The following CCSER1 variants were observed in gnomAD, a reference collection of about 807,000 sequenced individuals.
CCSER1 encodes coiled-coil serine rich protein 1.
A neutral mutation model predicts 82.0 loss-of-function variants in CCSER1; 41 were observed. The observed-to-expected ratio is 0.50, with a 90% CI of 0.39 to 0.65. The LOEUF (loss-of-function observed/expected upper bound fraction) is 0.65, where lower values mean the gene tolerates loss of function less well. Among genes scored for constraint, CCSER1 ranks in the 30% least tolerant of loss-of-function variants. The pLI is 0.00. For synonymous variants in CCSER1, 414 were observed against 383.9 expected (o/e 1.08, Z -0.92); for missense variants, 1,119 against 1,064.2 (o/e 1.05, Z -0.72).
intron 4 of CCSER1, among the ~76,000 whole-genome samples, chr4:90,420,094 C>G (rs1265944964): frequency 6.6e-6 from 1 of 151,890 alleles, no homozygotes; most frequent in Non-Finnish European, 1.5e-5. Context: ...TCCTTAAACA[C>G]AAGACTATAT....
intron 10 of CCSER1, among the ~76,000 whole-genome samples, chr4:91,524,730 C>T (rs1345942759): frequency 6.6e-6 from 1 of 152,046 alleles, no homozygotes; most frequent in East Asian, 1.9e-4. Context: ...AGTGATTACA[C>T]CGCAGAAAAC....
chr4:90,227,027 C>T (rs926443880), intron 1 of CCSER1, among the ~76,000 whole-genome samples: 2 of 152,116 alleles, frequency 1.3e-5, no homozygotes, highest in Non-Finnish European at 2.9e-5. Context: ...TTCTTCTTAC[C>T]CTCTTTTTTC....
chr4:91,303,918 A>T (rs149301333), intron 10 of CCSER1, among the ~76,000 whole-genome samples: 2 of 152,174 alleles, frequency 1.3e-5, no homozygotes, highest in East Asian at 3.9e-4. Context: ...GGGTGGGAGG[A>T]TATATAGAGT....
At chr4:90,295,077 G>T (rs1731619935) in intron 1 of CCSER1, among the ~76,000 whole-genome samples, 1 of 151,790 alleles carries the variant, frequency 6.6e-6, no homozygotes, top group Non-Finnish European at 1.5e-5. Flanking sequence ...GGAATAAATA[G>T]ACCATTTTTA....
At chr4:91,271,229 C>T (rs1282764703) in intron 10 of CCSER1, among the ~76,000 whole-genome samples, 1 of 152,104 alleles carries the variant, frequency 6.6e-6, no homozygotes, top group Non-Finnish European at 1.5e-5. Context: ...TTTAACTGGT[C>T]ATAAGTTACT....
At chr4:90,757,933 C>CTTTTTTTTTTTTTTTTTTTTT (rs200053849) in intron 7 of CCSER1, among the ~76,000 whole-genome samples, 1 of 136,490 alleles carries the variant, frequency 7.3e-6, no homozygotes. Context: ...GTTTCCTTTT[C>CTTTTTTTTTTTTTTTTTTTTT]TTTTTTTTTT....
At chr4:91,319,593 C>T (rs1746055912) in intron 10 of CCSER1, 2 of 449,250 alleles carry the variant, frequency 4.5e-6, no homozygotes, top group Non-Finnish European at 8.9e-6. Flanking sequence ...CACAAAGAAG[C>T]AATAGTTGGT....
At chr4:91,336,287 T>C (rs1029106373) in intron 10 of CCSER1, among the ~76,000 whole-genome samples, 3 of 152,132 alleles carry the variant, frequency 2.0e-5, no homozygotes, top group Admixed American at 1.3e-4. Context: ...AGAGTATATT[T>C]GAAAATTAGA....
At chr4:91,340,461 CAA>C (rs1467500813) in intron 10 of CCSER1, among the ~76,000 whole-genome samples, 1 of 152,034 alleles carries the variant, frequency 6.6e-6, no homozygotes, top group Admixed American at 6.6e-5. Context: ...GGCTAGTTGA[CAA>C]AAACATTTGC....
intron 10 of CCSER1, among the ~76,000 whole-genome samples, chr4:91,197,310 C>G (rs1735523573): frequency 6.6e-6 from 1 of 152,158 alleles, no homozygotes; most frequent in South Asian, 2.1e-4. Context: ...AGGACCCATC[C>G]TAGCATCTTG....
intron 10 of CCSER1, among the ~76,000 whole-genome samples, chr4:91,245,210 T>C (rs535910395): frequency 6.6e-6 from 1 of 152,224 alleles, no homozygotes; most frequent in Non-Finnish European, 1.5e-5. Flanking sequence ...GAGAAAGATA[T>C]AGTGGTATAA....
intron 7 of CCSER1, among the ~76,000 whole-genome samples, chr4:90,765,631 C>T (rs1751107606): frequency 6.6e-6 from 1 of 151,948 alleles, no homozygotes; most frequent in Admixed American, 6.6e-5. Context: ...TCAGTCACTC[C>T]ACTATAGACA....
At chr4:90,796,513 G>T (rs1166291792) in intron 7 of CCSER1, among the ~76,000 whole-genome samples, 2 of 147,484 alleles carry the variant, frequency 1.4e-5, no homozygotes, top group African/African-American at 2.5e-5. Context: ...GTTATTTCTT[G>T]TCTTCTGCTA....
intron 9 of CCSER1, among the ~76,000 whole-genome samples, chr4:90,926,509 A>G (rs1309027199): frequency 6.6e-6 from 1 of 152,074 alleles, no homozygotes; most frequent in Non-Finnish European, 1.5e-5. Flanking sequence ...GAAAACATTA[A>G]TTATAATAAA....
intron 5 of CCSER1, among the ~76,000 whole-genome samples, chr4:90,604,934 T>C (rs1481651262): frequency 1.3e-5 from 2 of 152,124 alleles, no homozygotes; most frequent in Non-Finnish European, 2.9e-5. Flanking sequence ...ATCAGCAGGA[T>C]GTGGATGGGG....
At chr4:90,637,730 G>A (rs1725685704) in intron 6 of CCSER1, among the ~76,000 whole-genome samples, 1 of 152,062 alleles carries the variant, frequency 6.6e-6, no homozygotes, top group African/African-American at 2.4e-5. Context: ...TTTTGGTTAG[G>A]ATTCAAGGCC....
chr4:90,960,502 T>C (rs1207736057), intron 9 of CCSER1, among the ~76,000 whole-genome samples: 5 of 152,152 alleles, frequency 3.3e-5, no homozygotes, highest in Admixed American at 3.3e-4. Flanking sequence ...TGCACCTCAA[T>C]TCCTAAGCCA....
At position 91,531,639 on chromosome 4, in the gene CCSER1, T is replaced by C. The variant is rs556997815; in HGVS notation, c.2218-66933T>C. 1.3e-5 allele frequency among the ~76,000 whole-genome samples: 2 copies of C among 152,306 alleles called. 1 individual carries two copies. Among genetic ancestry groups the C allele is most frequent in the African/African-American group, 4.8e-5 (2 of 41,572 alleles). On this transcript the variant is annotated intron_variant, in intron 10 of 10. Transcript: ENST00000509176. The stretch of plus-strand genomic sequence containing the variant: ...ACTGGGTAATTTAAAAGCAGTAGAA[T>C]TCATTGCTCACAGTTCTGGAGACTG...
At chr4:90,195,850 T>TCA (rs760446240) in intron 1 of CCSER1, among the ~76,000 whole-genome samples, 6 of 152,112 alleles carry the variant, frequency 3.9e-5, no homozygotes, top group Non-Finnish European at 5.9e-5. Flanking sequence ...ACACAGTGGA[T>TCA]AGGAGCAAAC....
Sources: gnomAD v4.1 joint callset for allele counts (sites outside exome capture counted in the v4.1 genomes callset) on GRCh38, gnomAD v4.1.1 for gene constraint, MANE v1.5 for transcripts, NCBI Gene and HGNC (gene_info 2026-07-23, HGNC 2026-07-21) for gene names.